KASH5: variants seen among roughly 807,000 people sequenced by gnomAD.
The protein encoded by KASH5 is KASH domain containing 5.
Under a neutral mutation model 84.2 loss-of-function variants are expected in KASH5, and 72 were observed. That is an observed-to-expected ratio of 0.85 (90% CI 0.71 to 1.04). The LOEUF is 1.04. KASH5 is among the 50% of genes least tolerant of loss of function. The pLI is 0.00. For synonymous variants in KASH5, 260 were observed against 279.1 expected (o/e 0.93, Z 0.68); for missense variants, 650 against 701.0 (o/e 0.93, Z 0.82).
chr19:49,407,601 G>A lies in KASH5; in HGVS notation c.934-11G>A, dbSNP rs778491293. 3.2e-6 allele frequency: 5 copies of A among 1,584,100 alleles called. No homozygotes were observed. The highest frequency in any genetic ancestry group is 1.4e-5 in the African/African-American group (1 of 74,020). ...CTGGTCCCAGTCTCATTTGGCTTTC[G>A]GCTTTCCTAGCGCACTCGCGATGTG... On this transcript the variant is annotated splice_polypyrimidine_tract_variant and intron_variant, in intron 11 of 19. Transcript: ENST00000447857.
chr19:49,394,892 G>T, intron 3 of KASH5: 1 of 591,378 alleles, frequency 1.7e-6, no homozygotes, highest in Admixed American at 3.1e-5. Flanking sequence ...ATCCCCTTTG[G>T]TTTACCCTGT....
chr19:49,416,157 A>C lies in KASH5; in HGVS notation c.1375-858A>C, dbSNP rs1974896837. 6.6e-6 allele frequency among the ~76,000 whole-genome samples: 1 copy of C among 152,186 alleles called. No homozygotes were observed. The highest frequency in any genetic ancestry group is 6.5e-5 in the Admixed American group (1 of 15,282). On this transcript the variant is annotated intron_variant, in intron 17 of 19. Coordinates refer to ENST00000447857, the MANE Select transcript of KASH5 (RefSeq NM_144688.5). The surrounding 1 kb of genome is among the most constrained non-coding windows in gnomAD (Gnocchi z 5.4). The stretch of plus-strand genomic sequence containing the variant: ...CAACCATGAGCAATTAGAAAAATAA[A>C]TTTGTAATTATACCATTTATAATGG...
At chr19:49,396,242 A>ATTTTTTT (rs1568611428) in intron 5 of KASH5, among the ~76,000 whole-genome samples, 2 of 122,904 alleles carry the variant, frequency 1.6e-5, no homozygotes, top group South Asian at 2.5e-4. Context: ...ACCCTGCTGG[A>ATTTTTTT]CTTTTTTTTT....
Position 49,417,105 on chromosome 19 carries a change from G to C in KASH5, c.1439+26G>C. ...GTAATAGGACCCACAGGGTCCAGGAGGGACACTGGGGCAAGGAAAAACCCA... is the reference window on the plus strand; with the variant it reads ...GTAATAGGACCCACAGGGTCCAGGACGGACACTGGGGCAAGGAAAAACCCA... On this transcript the variant is annotated intron_variant, in intron 18 of 19. Coordinates refer to ENST00000447857, the MANE Select transcript of KASH5 (RefSeq NM_144688.5). This position sits in a 1 kb window ranked among gnomAD's most constrained non-coding sequence, Gnocchi z 5.2. 1 of 1,605,806 alleles carries C rather than the reference G, an allele frequency of 6.2e-7. No homozygotes were observed. The highest frequency in any genetic ancestry group is 8.5e-7 in the Non-Finnish European group (1 of 1,176,656).
At chr19:49,410,011 G>A (rs2122205315) in intron 15 of KASH5, 136 bp downstream of exon 15, 1 of 1,157,472 alleles carries the variant, frequency 8.6e-7, no homozygotes, top group Non-Finnish European at 1.2e-6. Context: ...AGGGCCCAGT[G>A]TGTGCTGGAC....
At chr19:49,390,719 A>AG in intron 1 of KASH5, 70 bp from the exon 2 acceptor site, 1 of 667,804 alleles carries the variant, frequency 1.5e-6, no homozygotes, top group Non-Finnish European at 2.4e-6. Context: ...CCTGGGGCAC[A>AG]GGTGGGGCTA....
At chr19:49,405,604 G>A (rs555499776) in intron 9 of KASH5, among the ~76,000 whole-genome samples, 21 of 152,114 alleles carry the variant, frequency 1.4e-4, no homozygotes, top group Non-Finnish European at 2.5e-4. Flanking sequence ...AAATGCTGGA[G>A]TAACTACAGG....
chr19:49,417,727 A>T lies in KASH5; in HGVS notation c.*217A>T. ...CTCCCCCAGTAATGGATTAAGCACTAAGGATTATTCCCTCACAAAACAAGC... is the reference window on the plus strand; with the variant it reads ...CTCCCCCAGTAATGGATTAAGCACTTAGGATTATTCCCTCACAAAACAAGC... On this transcript the variant is annotated 3_prime_UTR_variant, in exon 20 of 20. Transcript: ENST00000447857. The surrounding 1 kb of genome is among the most constrained non-coding windows in gnomAD (Gnocchi z 5.2). 1 of 567,726 alleles carries T rather than the reference A, an allele frequency of 1.8e-6. No individual in the cohort carries two copies. Among genetic ancestry groups the T allele is most frequent in the Non-Finnish European group, 2.7e-6 (1 of 363,688 alleles). 35.2% of individuals were successfully genotyped at this position (567,726 alleles called of 1,614,324 possible). A position where few individuals can be genotyped will look rare whatever the true frequency, so the allele number is the denominator to read the frequency against.
intron 5 of KASH5, 94 bp from the exon 6 acceptor site, chr19:49,397,557 G>T: frequency 9.3e-7 from 1 of 1,077,772 alleles, no homozygotes; most frequent in South Asian, 1.3e-5. Flanking sequence ...ACAGGTGAGG[G>T]TGGAGGCAGA....
intron 16 of KASH5, 116 bp downstream of exon 16, chr19:49,413,142 A>C: frequency 9.6e-7 from 1 of 1,043,302 alleles, no homozygotes; most frequent in Non-Finnish European, 1.4e-6. Context: ...CTCCTTCTTC[A>C]TGTCTTCCGG....
In KASH5 at chr19:49,390,856, A is replaced by T; in HGVS notation, c.-28A>T. On this transcript the variant is annotated 5_prime_UTR_variant, in exon 2 of 20. Coordinates refer to ENST00000447857, the MANE Select transcript of KASH5 (RefSeq NM_144688.5). ...AAGGAGGGAGGCTGGTAGCTTTGCC[A>T]GCAGCTGCGCCGCGGCAGGGGTGGC... 1 of 1,581,190 alleles carries T rather than the reference A, an allele frequency of 6.3e-7. No individual in the cohort carries two copies.
chr19:49,415,880 C>T (rs1205471402), intron 17 of KASH5, among the ~76,000 whole-genome samples: 1 of 152,152 alleles, frequency 6.6e-6, no homozygotes, highest in East Asian at 1.9e-4. Context: ...TTATTTACTG[C>T]CATTATCATT....
intron 9 of KASH5, among the ~76,000 whole-genome samples, chr19:49,400,856 T>A (rs1351907251): frequency 6.6e-6 from 1 of 152,172 alleles, no homozygotes; most frequent in Non-Finnish European, 1.5e-5. Flanking sequence ...TCATCTTAGT[T>A]CATTCTGGGC....
chr19:49,399,315 A>G lies in KASH5; in HGVS notation c.748-142A>G, dbSNP rs1209655101. 3 of 967,608 alleles carry G rather than the reference A, an allele frequency of 3.1e-6. No homozygotes were observed. The South Asian group carries it at 4.8e-5, about 15-fold the overall frequency. The allele number at this position is 967,608 out of a possible 1,614,324, so 59.9% of individuals were successfully genotyped here. On this transcript the variant is annotated intron_variant, in intron 8 of 19. Transcript: ENST00000447857. The surrounding 1 kb of genome is among the most constrained non-coding windows in gnomAD (Gnocchi z 4.4). ...AAGCTTACCTGCCATCCTTCTCATG[A>G]CAAAGGAGACAGCAGGAGCCATCAG...
At chr19:49,396,242 ACT>A (rs60104868) in intron 5 of KASH5, among the ~76,000 whole-genome samples, 37,213 of 122,436 alleles carry the variant, frequency 0.3, 6,824 homozygotes, top group South Asian at 0.47. Context: ...ACCCTGCTGG[ACT>A]TTTTTTTTTT....
At chr19:49,389,161 A>C (rs1973914991) in intron 1 of KASH5, among the ~76,000 whole-genome samples, 1 of 109,440 alleles carries the variant, frequency 9.1e-6, no homozygotes, top group Non-Finnish European at 1.7e-5. Context: ...CAAAATCCAG[A>C]GACCCCGAAT....
chr19:49,401,250 C>T (rs1339498386), intron 9 of KASH5, among the ~76,000 whole-genome samples: 1 of 152,182 alleles, frequency 6.6e-6, no homozygotes, highest in African/African-American at 2.4e-5. Context: ...GCTGGGGTCA[C>T]TGCCCAAAGC....
At chr19:49,390,418 G>C (rs1009348682) in intron 1 of KASH5, 1 of 164,420 alleles carries the variant, frequency 6.1e-6, no homozygotes, top group Non-Finnish European at 1.3e-5. Context: ...CCATGGAAGG[G>C]TACTTAGCAG....
chr19:49,409,040 A>T lies in KASH5; in HGVS notation c.1058+9A>T. On this transcript the variant is annotated intron_variant, in intron 13 of 19. Transcript: ENST00000447857. Reference sequence around the variant, plus strand: ...TATGAGGGGCCCGATGAGTGAGTGGAATTTCAAGGGGTAGGAGGAGGCAGG... The same window carrying T: ...TATGAGGGGCCCGATGAGTGAGTGGTATTTCAAGGGGTAGGAGGAGGCAGG... 1 of 1,588,688 alleles carries T rather than the reference A, an allele frequency of 6.3e-7. No homozygotes were observed. The highest frequency in any genetic ancestry group is 8.6e-7 in the Non-Finnish European group (1 of 1,167,850).
Sources: allele counts gnomAD v4.1 joint callset (sites outside exome capture counted in the v4.1 genomes callset), GRCh38; gene constraint gnomAD v4.1.1; non-coding constraint Gnocchi (gnomAD v3.1); transcripts MANE v1.5; gene names NCBI Gene and HGNC (gene_info 2026-07-23, HGNC 2026-07-21).